Variants in DNAJB6 observed in about 807,000 individuals in gnomAD.
DNAJB6 encodes the protein dnaJ homolog subfamily B member 6.
In DNAJB6, 16 loss-of-function variants were observed where a neutral mutation model predicts 42.7. That is an observed-to-expected ratio of 0.37 (90% CI 0.25 to 0.57). The LOEUF is 0.57. Among genes scored for constraint, DNAJB6 ranks in the 20% least tolerant of loss-of-function variants. DNAJB6 has a pLI of 0.74. For synonymous variants in DNAJB6, 170 were observed against 163.5 expected, an observed-to-expected ratio of 1.04 and a Z score of -0.30; for missense variants, 347 against 416.8, an observed-to-expected ratio of 0.83 and a Z score of 1.46.
At chr7:157,368,949 C>G (rs1799976841) in intron 5 of DNAJB6, 2 of 293,266 alleles carry the variant, frequency 6.8e-6, no homozygotes, top group Middle Eastern at 1.2e-3. Flanking sequence ...TCTGGTAGGT[C>G]TTGGGCCTTT....
intron 5 of DNAJB6, among the ~76,000 whole-genome samples, chr7:157,369,937 G>GGCCCCTTCTCAACATTATTATTAAACA (rs1800081978): frequency 6.9e-5 from 9 of 130,192 alleles, no homozygotes; most frequent in African/African-American, 2.9e-4. Context: ...ATTATTAAAC[G>GGCCCCTTCTCAACATTATTATTAAACA]GGACCCTTCT....
chr7:157,340,991 T>TGCGCGCGCGCGCGC (rs1358438793), intron 1 of DNAJB6, among the ~76,000 whole-genome samples: 1 of 74,160 alleles, frequency 1.3e-5, no homozygotes, highest in African/African-American at 4.7e-5. Flanking sequence ...TGTGTGTGTG[T>TGCGCGCGCGCGCGC]GTGTGTGCGC....
At chr7:157,408,907 C>T (rs895447106) in intron 8 of DNAJB6, among the ~76,000 whole-genome samples, 1 of 152,172 alleles carries the variant, frequency 6.6e-6, no homozygotes, top group Admixed American at 6.5e-5. Flanking sequence ...GCTCGGGGCC[C>T]GAAGTGCTGG....
At chr7:157,337,620 A>G (rs887894356) in intron 1 of DNAJB6, 7 of 152,124 alleles carry the variant, frequency 4.6e-5, no homozygotes, top group African/African-American at 1.2e-4. Context: ...TCGGAGGGAG[A>G]AGAAGCAGGT....
Position 157,374,524 on chromosome 7 carries a change from G to C in DNAJB6, c.346+7041G>C, listed in dbSNP as rs1392922069. ...TCCACCCACCTCGGCCACCCAGAGT[G>C]CTGGGATTACAGGCATGAGCCACCG... On this transcript the variant is annotated intron_variant, in intron 5 of 9. Coordinates refer to ENST00000262177, the MANE Select transcript of DNAJB6 (RefSeq NM_058246.4). Among the ~76,000 whole-genome samples the C allele has an allele frequency of 2.6e-5, 4 of 152,174 alleles. No individual in the cohort carries two copies. The East Asian group carries it at 7.7e-4, about 29-fold the overall frequency.
At chr7:157,399,460 G>C (rs990021822) in intron 8 of DNAJB6, among the ~76,000 whole-genome samples, 1 of 152,228 alleles carries the variant, frequency 6.6e-6, no homozygotes, top group Non-Finnish European at 1.5e-5. Context: ...ATGTGATCCA[G>C]GTTTGTATCC....
At chr7:157,379,184 C>T (rs1246789332) in intron 5 of DNAJB6, 1 of 152,060 alleles carries the variant, frequency 6.6e-6, no homozygotes, top group Non-Finnish European at 1.5e-5. Context: ...TTATGAATGT[C>T]ATTGTCTTAA....
rs1563153693 is a variant in DNAJB6, at chr7:157,409,747, GGCC to G, written c.692-39_692-37del. ...CCTCCCTCTGCTCTGGATGGGGGCC[GGCC>G]GCCGCCGCTCACTCACGGCTCTCTC... On this transcript the variant is annotated intron_variant, in intron 8 of 9. Coordinates refer to ENST00000262177, the MANE Select transcript of DNAJB6 (RefSeq NM_058246.4). 2.7e-6 allele frequency: 4 copies of G among 1,477,924 alleles called. No individual in the cohort carries two copies. In the Admixed American group the frequency reaches 6.6e-5, roughly 24 times the overall value. The allele number at this position is 1,477,924 out of a possible 1,614,324, so 91.6% of individuals were successfully genotyped here.
chr7:157,368,999 C>T (rs917155878), intron 5 of DNAJB6: 1 of 348,036 alleles, frequency 2.9e-6, no homozygotes, highest in Non-Finnish European at 5.6e-6. Flanking sequence ...AATGGGGATT[C>T]AAAGAGGTTG....
At chr7:157,356,939 C>CATCTAAATAG (rs1222739012) in intron 1 of DNAJB6, among the ~76,000 whole-genome samples, 2 of 152,044 alleles carry the variant, frequency 1.3e-5, no homozygotes, top group African/African-American at 4.8e-5. Flanking sequence ...AGTTTATATA[C>CATCTAAATAG]ATCTAAATAG....
chr7:157,355,193 G>A (rs4716706), intron 1 of DNAJB6, among the ~76,000 whole-genome samples: 20,223 of 152,140 alleles, frequency 0.13, 2,645 homozygotes, highest in African/African-American at 0.34. Context: ...TCTCACTGTC[G>A]TCCAGGTTGG....
chr7:157,353,382 A>G (rs890871681), intron 1 of DNAJB6, among the ~76,000 whole-genome samples: 2 of 152,104 alleles, frequency 1.3e-5, no homozygotes, highest in South Asian at 4.2e-4. Flanking sequence ...TCTTTCTGTA[A>G]CTGTGGTAAC....
chr7:157,366,817 A>T (rs1799869454), intron 4 of DNAJB6, among the ~76,000 whole-genome samples: 1 of 152,246 alleles, frequency 6.6e-6, no homozygotes, highest in East Asian at 1.9e-4. Flanking sequence ...GTGAACATAT[A>T]CCCTTAGATC....
At chr7:157,379,977 A>G (rs978643858) in intron 5 of DNAJB6, 9 of 151,818 alleles carry the variant, frequency 5.9e-5, no homozygotes, top group Non-Finnish European at 1.3e-4. Context: ...ACTCCTGGCT[A>G]ACTTTTTTGT....
chr7:157,353,089 T>C (rs1799079421), intron 1 of DNAJB6, among the ~76,000 whole-genome samples: 1 of 151,986 alleles, frequency 6.6e-6, no homozygotes, highest in Admixed American at 6.6e-5. Flanking sequence ...TTTTTTTTTT[T>C]TTAATTTTTA....
At chr7:157,352,676 A>G (rs933358378) in intron 1 of DNAJB6, among the ~76,000 whole-genome samples, 11 of 152,124 alleles carry the variant, frequency 7.2e-5, no homozygotes, top group African/African-American at 2.4e-4. Context: ...CACTCCGTGT[A>G]TTACTGGTTC....
intron 1 of DNAJB6, among the ~76,000 whole-genome samples, chr7:157,350,527 G>A (rs531345344): frequency 6.6e-6 from 1 of 152,242 alleles, no homozygotes; most frequent in South Asian, 2.1e-4. Context: ...GGTCACTGGC[G>A]TTTGTTCAGG....
intron 5 of DNAJB6, among the ~76,000 whole-genome samples, chr7:157,376,781 T>C (rs1011649954): frequency 1.3e-5 from 2 of 152,186 alleles, no homozygotes; most frequent in African/African-American, 4.8e-5. Context: ...CTTGGGAGGC[T>C]GAGGCAGGAG....
intron 8 of DNAJB6, among the ~76,000 whole-genome samples, chr7:157,409,115 G>A (rs1322715225): frequency 6.6e-6 from 1 of 152,176 alleles, no homozygotes; most frequent in Admixed American, 6.5e-5. Context: ...ATTCCTCAGC[G>A]TTCAAAACAT....
Sources: allele counts gnomAD v4.1 joint callset (sites outside exome capture counted in the v4.1 genomes callset), GRCh38; gene constraint gnomAD v4.1.1; transcripts MANE v1.5; gene names NCBI Gene and HGNC (gene_info 2026-07-23, HGNC 2026-07-21).